VARS2: variants seen among roughly 807,000 people sequenced by gnomAD.
The protein encoded by VARS2 is valine--tRNA ligase, mitochondrial.
Under a neutral mutation model 154.1 loss-of-function variants are expected in VARS2, and 105 were observed. The observed-to-expected ratio is 0.68, with a 90% CI of 0.58 to 0.80. The LOEUF is 0.80. Among genes scored for constraint, VARS2 ranks in the 30% least tolerant of loss-of-function variants. The pLI is 0.00. For missense variants in VARS2, 1,157 were observed against 1,361.4 expected (o/e 0.85, Z 2.36); for synonymous variants, 483 against 539.5 (o/e 0.90, Z 1.45).
Position 30,920,342 on chromosome 6 carries a change from C to G in VARS2, c.1303C>G (p.Arg435Gly). The change falls in exon 14 of 30, where the codon CGG (arginine) becomes GGG (glycine). Residue 435 changes from arginine (R) to glycine (G), a missense_variant. By Grantham distance (125) the Arg-to-Gly change is moderately radical. Transcript: ENST00000676266. This position sits in a 1 kb window ranked among gnomAD's most constrained non-coding sequence, Gnocchi z 4.6. Reference protein sequence around the residue: ...LCGDWLQGLHRFVAREKIMSV... With the variant: ...LCGDWLQGLHGFVAREKIMSV... ...GCCGCTTTTTCTCCAGGGTCTTCAC[C>G]GGTTTGTGGCCCGGGAAAAGATAAT... 6.2e-7 allele frequency: 1 copy of G among 1,610,218 alleles called. No homozygotes were observed. Among genetic ancestry groups the G allele is most frequent in the South Asian group, 1.1e-5 (1 of 90,290 alleles).
rs1794538540 is a variant in VARS2, at chr6:30,921,938, A to G, written c.1749A>G (p.Leu583=). Residue 583 remains leucine, a synonymous_variant, in exon 19 of 30, where the codon CTA becomes CTG. Coordinates refer to ENST00000676266, the MANE Select transcript of VARS2 (RefSeq NM_020442.6). The surrounding 1 kb of genome is among the most constrained non-coding windows in gnomAD (Gnocchi z 4.6). The part of the protein sequence containing the change: ...ELTLERDPDV[L]DTWFSSALFP... Reference sequence around the variant, plus strand: ...TCTGTTTCCCAGATCCTGATGTCCTAGACACATGGTTTTCTTCTGCCCTGT... The same window carrying G: ...TCTGTTTCCCAGATCCTGATGTCCTGGACACATGGTTTTCTTCTGCCCTGT... 4 of 1,612,876 alleles carry G rather than the reference A, an allele frequency of 2.5e-6. No individual in the cohort carries two copies. Among genetic ancestry groups the G allele is most frequent in the Non-Finnish European group, 3.4e-6 (4 of 1,179,994 alleles).
Position 30,922,431 on chromosome 6 carries a change from G to C in VARS2, c.1933-19G>C. On this transcript the variant is annotated intron_variant, in intron 20 of 29. Transcript: ENST00000676266. The stretch of plus-strand genomic sequence containing the variant: ...ACCTCCAAGGAAACCCCCCTCTGTT[G>C]ACCCCTCCCTGCCCCCAGGTGCTTC... 6.2e-7 allele frequency: 1 copy of C among 1,609,134 alleles called. No homozygotes were observed. Among genetic ancestry groups the C allele is most frequent in the Non-Finnish European group, 8.5e-7 (1 of 1,178,118 alleles).
chr6:30,916,813 C>T lies in VARS2; in HGVS notation c.672-65C>T. On this transcript the variant is annotated intron_variant, in intron 7 of 29. Coordinates refer to ENST00000676266, the MANE Select transcript of VARS2 (RefSeq NM_020442.6). The surrounding 1 kb of genome is among the most constrained non-coding windows in gnomAD (Gnocchi z 4.0). Reference sequence around the variant, plus strand: ...CAACACCTGGCATTGCTGGGGGCATCGCTGGGCCTGGTACATAGGAAGTGC... The same window carrying T: ...CAACACCTGGCATTGCTGGGGGCATTGCTGGGCCTGGTACATAGGAAGTGC... 1.9e-6 allele frequency: 3 copies of T among 1,546,430 alleles called. No homozygotes were observed. Among genetic ancestry groups the T allele is most frequent in the Non-Finnish European group, 2.7e-6 (3 of 1,118,838 alleles).
chr6:30,916,212 G>T lies in VARS2; in HGVS notation c.634G>T (p.Glu212Ter), dbSNP rs771789552. The change falls in exon 7 of 30, where the codon GAG (glutamate) becomes TAG (stop). Residue 212 changes from glutamate (E) to a stop codon, truncating the protein, a stop_gained. Transcript: ENST00000676266. LOFTEE classifies it high-confidence loss of function. The surrounding 1 kb of genome is among the most constrained non-coding windows in gnomAD (Gnocchi z 4.0). ...RGVRRHELSR[E>*]AFLREVWQWK... ...AGTGAGGAGACATGAGCTGAGCCGG[G>T]AGGCCTTCCTTAGGGAGGTGTGGCA... 1 of 1,613,852 alleles carries T rather than the reference G, an allele frequency of 6.2e-7. No homozygotes were observed.
chr6:30,923,271 G>C (rs1195699506), intron 24 of VARS2, 40 bp downstream of exon 24: 1 of 1,611,134 alleles, frequency 6.2e-7, no homozygotes, highest in Non-Finnish European at 8.5e-7. Context: ...GGGTAGTCAG[G>C]TGTCAGAGGG....
Position 30,914,352 on chromosome 6 carries a change from C to T in VARS2, c.-28+8C>T. 1 of 1,241,158 alleles carries T rather than the reference C, an allele frequency of 8.1e-7. No individual in the cohort carries two copies. The highest frequency in any genetic ancestry group is 1.0e-6 in the Non-Finnish European group (1 of 992,240). 76.9% of individuals were successfully genotyped at this position (1,241,158 alleles called of 1,614,324 possible). On this transcript the variant is annotated splice_region_variant and intron_variant, in intron 1 of 29. Coordinates refer to ENST00000676266, the MANE Select transcript of VARS2 (RefSeq NM_020442.6). ...TAGCGGCGGGGCCTCCTGGTGAGCG[C>T]GCGCCGGGGCGGCCTCCGGGAAGTG...
In VARS2 at chr6:30,921,142, G is replaced by T; in HGVS notation, c.1556+1G>T. 1 of 1,614,008 alleles carries T rather than the reference G, an allele frequency of 6.2e-7. No homozygotes were observed. Among genetic ancestry groups the T allele is most frequent in the Non-Finnish European group, 8.5e-7 (1 of 1,179,938 alleles). Reference sequence around the variant, plus strand: ...GGCAGCACTGGTTTTCCCATATTGGGTAAGGGTAGGGTAAGGGGAGCTCTT... The same window carrying T: ...GGCAGCACTGGTTTTCCCATATTGGTTAAGGGTAGGGTAAGGGGAGCTCTT... On this transcript the variant is annotated splice_donor_variant, in intron 16 of 29. Transcript: ENST00000676266. LOFTEE classifies it high-confidence loss of function. The surrounding 1 kb of genome is among the most constrained non-coding windows in gnomAD (Gnocchi z 4.6).
In VARS2 at chr6:30,919,808, C is replaced by G. The variant is rs776379788; in HGVS notation, c.1125C>G (p.Pro375=). 2 of 1,596,602 alleles carry G rather than the reference C, an allele frequency of 1.3e-6. No homozygotes were observed. The highest frequency in any genetic ancestry group is 2.3e-5 in the East Asian group (1 of 44,286). ...ACCCCTTGATGGGGCAGCCTCTTCCCCTCATCACAGACTATGCTGTTCAGC... is the reference window on the plus strand; with the variant it reads ...ACCCCTTGATGGGGCAGCCTCTTCCGCTCATCACAGACTATGCTGTTCAGC... ...LRHPLMGQPL[P]LITDYAVQPH... is the part of the protein sequence containing the mutation. Residue 375 remains proline (P), a synonymous_variant, in exon 12 of 30, where the codon CCC becomes CCG. Transcript: ENST00000676266. This position sits in a 1 kb window ranked among gnomAD's most constrained non-coding sequence, Gnocchi z 4.5.
At position 30,916,845 on chromosome 6, in the gene VARS2, A is replaced by T; in HGVS notation, c.672-33A>T. The T allele has an allele frequency of 6.2e-7, 1 of 1,612,360 alleles. No homozygotes were observed. Among genetic ancestry groups the T allele is most frequent in the South Asian group, 1.1e-5 (1 of 91,056 alleles). ...CCTGGTACATAGGAAGTGCTTGGGAAGTGTTTGCTGACAAGGATCTCTCTG... is the reference window on the plus strand; with the variant it reads ...CCTGGTACATAGGAAGTGCTTGGGATGTGTTTGCTGACAAGGATCTCTCTG... On this transcript the variant is annotated intron_variant, in intron 7 of 29. Coordinates refer to ENST00000676266, the MANE Select transcript of VARS2 (RefSeq NM_020442.6). This position sits in a 1 kb window ranked among gnomAD's most constrained non-coding sequence, Gnocchi z 4.0.
chr6:30,916,692 C>T lies in VARS2; in HGVS notation c.672-186C>T. On this transcript the variant is annotated intron_variant, in intron 7 of 29. Transcript: ENST00000676266. This position sits in a 1 kb window ranked among gnomAD's most constrained non-coding sequence, Gnocchi z 4.0. ...TCTCTTCCTATAGAATCTTTTGCCT[C>T]TTTTAATATCTTAGAAAACCCCATA... 3.2e-5 allele frequency: 20 copies of T among 624,866 alleles called. No homozygotes were observed. In the South Asian group the frequency reaches 3.6e-4, roughly 11 times the overall value. 38.7% of individuals were successfully genotyped at this position (624,866 alleles called of 1,614,324 possible). A position where few individuals can be genotyped will look rare whatever the true frequency, so the allele number is the denominator to read the frequency against.
chr6:30,920,042 A>C lies in VARS2; in HGVS notation c.1166-47A>C, dbSNP rs1794408848. ...GTGATGATGATACATCTGGAAAAGCAAAAGCCAAGGTCAGGTTCAGTACTC... is the reference window on the plus strand; with the variant it reads ...GTGATGATGATACATCTGGAAAAGCCAAAGCCAAGGTCAGGTTCAGTACTC... On this transcript the variant is annotated intron_variant, in intron 12 of 29. Transcript: ENST00000676266. This position sits in a 1 kb window ranked among gnomAD's most constrained non-coding sequence, Gnocchi z 4.6. 2 of 1,192,256 alleles carry C rather than the reference A, an allele frequency of 1.7e-6. No homozygotes were observed. Among genetic ancestry groups the C allele is most frequent in the Non-Finnish European group, 2.2e-6 (2 of 914,994 alleles). 73.9% of individuals were successfully genotyped at this position (1,192,256 alleles called of 1,614,324 possible).
chr6:30,923,152 T>C lies in VARS2; in HGVS notation c.2234T>C (p.Phe745Ser), dbSNP rs761863698. The C allele has an allele frequency of 5.0e-6, 8 of 1,612,992 alleles. No individual in the cohort carries two copies. The highest frequency in any genetic ancestry group is 5.9e-6 in the Non-Finnish European group (7 of 1,180,032). ...TCTGAGGTCCAGAGCTGCCGACATT[T>C]CTGCAACAAGATCTGGAATGCTCTT... is the stretch of plus-strand genomic sequence containing the variant. ...SVSEVQSCRH[F>S]CNKIWNALRF... is the part of the protein sequence containing the mutation. The change falls in exon 24 of 30, where the codon TTC (phenylalanine) becomes TCC (serine). Residue 745 changes from phenylalanine to serine, a missense_variant. Phe to Ser is a radical substitution (Grantham distance 155). Coordinates refer to ENST00000676266, the MANE Select transcript of VARS2 (RefSeq NM_020442.6).
At position 30,919,784 on chromosome 6, in the gene VARS2, C is replaced by G; in HGVS notation, c.1101C>G (p.His367Gln). The change falls in exon 12 of 30, where the codon CAC (histidine) becomes CAG (glutamine). Residue 367 changes from histidine (H) to glutamine (Q), a missense_variant. Transcript: ENST00000676266. The surrounding 1 kb of genome is among the most constrained non-coding windows in gnomAD (Gnocchi z 4.5). The part of the protein sequence containing the change: ...YTHLHGRQLR[H>Q]PLMGQPLPLI... ...ATCTACACGGGCGACAGCTTCGTCA[C>G]CCCTTGATGGGGCAGCCTCTTCCCC... 6.3e-7 allele frequency: 1 copy of G among 1,594,090 alleles called. No individual in the cohort carries two copies. The highest frequency in any genetic ancestry group is 8.6e-7 in the Non-Finnish European group (1 of 1,167,434).
Position 30,920,914 on chromosome 6 carries a change from G to C in VARS2, c.1480-151G>C. On this transcript the variant is annotated intron_variant, in intron 15 of 29. Transcript: ENST00000676266. This position sits in a 1 kb window ranked among gnomAD's most constrained non-coding sequence, Gnocchi z 4.6. ...AGGCTGGGCGGCCCAGCAAGGGCTG[G>C]CTCATATCCTTACTCAAGCCCAGAA... 11 of 1,119,260 alleles carry C rather than the reference G, an allele frequency of 9.8e-6. No individual in the cohort carries two copies. The highest frequency in any genetic ancestry group is 1.4e-5 in the Non-Finnish European group (11 of 797,666). 69.3% of individuals were successfully genotyped at this position (1,119,260 alleles called of 1,614,324 possible).
At chr6:30,924,176 G>A (rs138121248) in intron 25 of VARS2, 178 bp from the exon 26 acceptor site, 10 of 626,944 alleles carry the variant, frequency 1.6e-5, no homozygotes, top group Non-Finnish European at 1.7e-5. Flanking sequence ...CTGTCCTGGA[G>A]TCCCCTTCTT....
Position 30,926,188 on chromosome 6 carries a change from C to A in VARS2, c.3170C>A (p.Ala1057Asp). 3 of 1,613,082 alleles carry A rather than the reference C, an allele frequency of 1.9e-6. No homozygotes were observed. Among genetic ancestry groups the A allele is most frequent in the African/African-American group, 1.3e-5 (1 of 75,068 alleles). The change falls in exon 30 of 30, where the codon GCC becomes GAC. Residue 1057 changes from alanine (A) to aspartate (D), a missense_variant. Coordinates refer to ENST00000676266, the MANE Select transcript of VARS2 (RefSeq NM_020442.6). ...CGGCAGCTGATGGATGAGCCTCCAG[C>A]CCCAGGGAGCCCGGAGCTCTAACTC... ...HLRQLMDEPP[A>D]PGSPEL
intron 10 of VARS2, among the ~76,000 whole-genome samples, chr6:30,918,282 G>A (rs1287915520): frequency 6.6e-6 from 1 of 152,188 alleles, no homozygotes; most frequent in Admixed American, 6.5e-5. Context: ...TGGTCAGGTT[G>A]GTCTCGAACT....
rs1444466548 is a variant in VARS2, at chr6:30,920,918, A to G, written c.1480-147A>G. ...TGGGCGGCCCAGCAAGGGCTGGCTC[A>G]TATCCTTACTCAAGCCCAGAATCTT... On this transcript the variant is annotated intron_variant, in intron 15 of 29. Transcript: ENST00000676266. This position sits in a 1 kb window ranked among gnomAD's most constrained non-coding sequence, Gnocchi z 4.6. The G allele has an allele frequency of 1.1e-5, 13 of 1,133,972 alleles. No individual in the cohort carries two copies. The highest frequency in any genetic ancestry group is 1.4e-5 in the Non-Finnish European group (11 of 810,390). 70.2% of individuals were successfully genotyped at this position (1,133,972 alleles called of 1,614,324 possible). A position where few individuals can be genotyped will look rare whatever the true frequency, so the allele number is the denominator to read the frequency against.
Position 30,919,036 on chromosome 6 carries a change from G to A in VARS2, c.1074+121G>A. 5 of 920,468 alleles carry A rather than the reference G, an allele frequency of 5.4e-6. No homozygotes were observed. In the South Asian group the frequency reaches 7.3e-5, roughly 13 times the overall value. 57.0% of individuals were successfully genotyped at this position (920,468 alleles called of 1,614,324 possible). ...CTTCCTTTTCCTGAGACTTCTCTCAGTGGTTCTGATTGGACTCCCTCCTCC... is the reference window on the plus strand; with the variant it reads ...CTTCCTTTTCCTGAGACTTCTCTCAATGGTTCTGATTGGACTCCCTCCTCC... On this transcript the variant is annotated intron_variant, in intron 11 of 29. Transcript: ENST00000676266. The surrounding 1 kb of genome is among the most constrained non-coding windows in gnomAD (Gnocchi z 4.5).
Sources: gnomAD v4.1 joint callset for allele counts (sites outside exome capture counted in the v4.1 genomes callset) on GRCh38, gnomAD v4.1.1 for gene constraint, Gnocchi (gnomAD v3.1) non-coding constraint, MANE v1.5 for transcripts, NCBI Gene and HGNC (gene_info 2026-07-23, HGNC 2026-07-21) for gene names.